Variants in KLRC3 observed in about 807,000 individuals in gnomAD.
The protein encoded by KLRC3 is killer cell lectin like receptor C3, also known as NKG2-E type II integral membrane protein.
A neutral mutation model predicts 23.6 loss-of-function variants in KLRC3; 16 were observed. That is an observed-to-expected ratio of 0.68 (90% CI 0.46 to 1.03). The LOEUF is 1.03. Among genes scored for constraint, KLRC3 ranks in the 50% least tolerant of loss-of-function variants. The pLI is 0.00. For missense variants in KLRC3, 209 were observed against 232.2 expected (o/e 0.90, Z 0.65); for synonymous variants, 70 against 71.8 (o/e 0.98, Z 0.13).
At chr12:10,415,002 A>T (rs1406957689) in intron 6 of KLRC3, among the ~76,000 whole-genome samples, 2 of 152,172 alleles carry the variant, frequency 1.3e-5, no homozygotes, top group Non-Finnish European at 2.9e-5. Context: ...CAAACCCCCA[A>T]AATACATAAT....
chr12:10,417,123 G>A (rs1263507256), intron 4 of KLRC3, among the ~76,000 whole-genome samples: 2 of 151,808 alleles, frequency 1.3e-5, no homozygotes, highest in East Asian at 3.9e-4. Flanking sequence ...GAATTGAGGG[G>A]TTGTCATTCA....
In KLRC3 at chr12:10,420,528, A is replaced by C. The variant is rs1388622499; in HGVS notation, c.23T>G (p.Phe8Cys). Residue 8 changes from phenylalanine to cysteine, a missense_variant, in exon 1 of 7, where the codon TTC becomes TGC. Coordinates refer to ENST00000396439, the MANE Select transcript of KLRC3 (RefSeq NM_002261.3). MSKQRGT[F>C]SEVSLAQDPK... Reference sequence around the variant, plus strand: ...GTCCTGGGCCAGACTCACTTCTGAGAAGGTTCCTCTTTGTTTACTCATCTC... The same window carrying C: ...GTCCTGGGCCAGACTCACTTCTGAGCAGGTTCCTCTTTGTTTACTCATCTC... 6.2e-7 allele frequency: 1 copy of C among 1,604,644 alleles called. No individual in the cohort carries two copies. Among genetic ancestry groups the C allele is most frequent in the African/African-American group, 1.4e-5 (1 of 72,770 alleles).
chr12:10,415,899 T>A, intron 5 of KLRC3, 105 bp from the exon 6 acceptor site: 1 of 823,064 alleles, frequency 1.2e-6, no homozygotes, highest in Non-Finnish European at 2.0e-6. Context: ...TGAAAAAGGG[T>A]AATTAAATTT....
intron 4 of KLRC3, 139 bp from the exon 5 acceptor site, chr12:10,416,906 C>T (rs1863653389): frequency 2.9e-6 from 2 of 685,914 alleles, no homozygotes; most frequent in Admixed American, 5.9e-5. Context: ...ATGAACTCTT[C>T]AACGTTTATA....
intron 6 of KLRC3, chr12:10,415,453 T>C (rs1591600123): frequency 1.7e-6 from 1 of 572,742 alleles, no homozygotes; most frequent in East Asian, 3.0e-5. Context: ...ATGCAACTTT[T>C]AGGAAGCCTG....
At chr12:10,416,547 A>G (rs1863646596) in intron 5 of KLRC3, 120 bp downstream of exon 5, 2 of 1,234,620 alleles carry the variant, frequency 1.6e-6, no homozygotes, top group Admixed American at 2.5e-5. Flanking sequence ...ATTTGTATCA[A>G]CATTTCACTA....
intron 2 of KLRC3, 25 bp downstream of exon 2, chr12:10,419,841 T>C: frequency 2.0e-6 from 1 of 510,354 alleles, no homozygotes; most frequent in Non-Finnish European, 3.4e-6. Flanking sequence ...AACGTTCCCT[T>C]CTAATCTTTC....
At chr12:10,417,053 T>C (rs1364193376) in intron 4 of KLRC3, among the ~76,000 whole-genome samples, 2 of 151,950 alleles carry the variant, frequency 1.3e-5, no homozygotes, top group East Asian at 1.9e-4. Flanking sequence ...TTTCTCCAGA[T>C]ACTGTGACTA....
chr12:10,414,862 TA>T (rs1320991176), intron 6 of KLRC3, among the ~76,000 whole-genome samples: 1 of 151,994 alleles, frequency 6.6e-6, no homozygotes, highest in African/African-American at 2.4e-5. Context: ...TTTAAATATG[TA>T]AAATAAGTGA....
Position 10,415,758 on chromosome 12 carries a change from T to G in KLRC3, c.624A>C (p.Ala208=). 1 of 1,612,656 alleles carries G rather than the reference T, an allele frequency of 6.2e-7. No homozygotes were observed. The highest frequency in any genetic ancestry group is 8.5e-7 in the Non-Finnish European group (1 of 1,179,320). ...ATATAAGTCCACGTACATGTAGCAT[T>G]GCACAGTTACGTTCAGCATGATCTG... ...KDSDHAERNC[A]MLHVRGLISD... The change falls in exon 6 of 7, where the codon GCA becomes GCC. Residue 208 remains alanine, a synonymous_variant. Coordinates refer to ENST00000396439, the MANE Select transcript of KLRC3 (RefSeq NM_002261.3).
rs1028929540 is a variant in KLRC3, at chr12:10,412,622, A to C, written c.679-6T>G. ...AACATGATGAAACCCCGTCTCTACA[A>C]AAAAATACGAAAATTAGCCAGCATG... On this transcript the variant is annotated splice_region_variant and splice_polypyrimidine_tract_variant and intron_variant, in intron 6 of 6. Coordinates refer to ENST00000396439, the MANE Select transcript of KLRC3 (RefSeq NM_002261.3). 5.7e-6 allele frequency: 4 copies of C among 701,114 alleles called. No homozygotes were observed. The African/African-American group carries it at 7.0e-5, about 12-fold the overall frequency. The allele number at this position is 701,114 out of a possible 1,614,324, so 43.4% of individuals were successfully genotyped here.
intron 6 of KLRC3, among the ~76,000 whole-genome samples, chr12:10,414,017 CAG>C: frequency 6.6e-6 from 1 of 152,114 alleles, no homozygotes; most frequent in Non-Finnish European, 1.5e-5. Context: ...TATAGAGAAA[CAG>C]AAAATCTTCC....
chr12:10,416,052 T>G (rs1417886655), intron 5 of KLRC3, among the ~76,000 whole-genome samples: 1 of 152,160 alleles, frequency 6.6e-6, no homozygotes, highest in Admixed American at 6.5e-5. Flanking sequence ...CTCTACACAT[T>G]CATAACTGTG....
intron 6 of KLRC3, among the ~76,000 whole-genome samples, chr12:10,413,244 T>G (rs1263498512): frequency 1.3e-5 from 2 of 152,226 alleles, no homozygotes; most frequent in African/African-American, 4.8e-5. Flanking sequence ...GAACCTTATA[T>G]GGTTTTTAAT....
intron 5 of KLRC3, among the ~76,000 whole-genome samples, 184 bp downstream of exon 5, chr12:10,416,483 T>C (rs1863645477): frequency 6.6e-6 from 1 of 152,240 alleles, no homozygotes; most frequent in Non-Finnish European, 1.5e-5. Flanking sequence ...AGAAAGTTAC[T>C]AGCTGACCAA....
chr12:10,415,676 G>C (rs1663477047), intron 6 of KLRC3, 28 bp downstream of exon 6: 1 of 1,612,858 alleles, frequency 6.2e-7, no homozygotes. Flanking sequence ...GCAAGCTCAA[G>C]CGCTTTAATT....
chr12:10,420,080 C>T (rs1863699849), intron 1 of KLRC3, 116 bp from the exon 2 acceptor site: 1 of 494,178 alleles, frequency 2.0e-6, no homozygotes, highest in African/African-American at 2.0e-5. Flanking sequence ...TAATGATAAA[C>T]TCTGGCCGCT....
At chr12:10,416,632 TA>T (rs780860209) in intron 5 of KLRC3, 34 bp downstream of exon 5, 182 of 1,579,582 alleles carry the variant, frequency 1.2e-4, no homozygotes, top group Middle Eastern at 1.7e-4. Context: ...TTATCCTTTA[TA>T]TTTTTTTATA....
At chr12:10,416,922 T>C (rs1318797658) in intron 4 of KLRC3, among the ~76,000 whole-genome samples, 155 bp from the exon 5 acceptor site, 4 of 152,246 alleles carry the variant, frequency 2.6e-5, no homozygotes, top group Non-Finnish European at 5.9e-5. Flanking sequence ...TTATACTTAG[T>C]ACTTTCATTC....
Sources: allele counts gnomAD v4.1 joint callset (sites outside exome capture counted in the v4.1 genomes callset), GRCh38; gene constraint gnomAD v4.1.1; transcripts MANE v1.5; gene names NCBI Gene and HGNC (gene_info 2026-07-23, HGNC 2026-07-21).